Variants in IQGAP1 observed in about 807,000 individuals in gnomAD.
IQGAP1 encodes IQ motif containing GTPase activating protein 1.
In IQGAP1, 66 loss-of-function variants were observed where a neutral mutation model predicts 215.6. The observed-to-expected ratio is 0.31, with a 90% CI of 0.25 to 0.38. The LOEUF is 0.38. Ranked by LOEUF, IQGAP1 falls within the 10% of genes least tolerant of loss-of-function variation. IQGAP1 has a pLI of 1.00. For missense variants in IQGAP1, 1,712 were observed against 1,997.1 expected (o/e 0.86, Z 2.72); for synonymous variants, 772 against 728.7 (o/e 1.06, Z -0.96).
intron 26 of IQGAP1, among the ~76,000 whole-genome samples, chr15:90,480,684 G>A (rs950194103): frequency 1.1e-4 from 17 of 152,042 alleles, no homozygotes; most frequent in African/African-American, 4.1e-4. Flanking sequence ...TGTTGTTGTG[G>A]TTGAGACAGA....
At position 90,467,545 on chromosome 15, in the gene IQGAP1, C is replaced by A. The variant is rs149127134; in HGVS notation, c.2131C>A (p.Pro711Thr). ...ETQEGGWDEPPNFVQNSMQLS... is the reference protein window; with the variant it reads ...ETQEGGWDEPTNFVQNSMQLS... Reference sequence around the variant, plus strand: ...CCAGGAAGGAGGATGGGATGAACCTCCAAATTTTGTGCAAAATTCTATGCA... The same window carrying A: ...CCAGGAAGGAGGATGGGATGAACCTACAAATTTTGTGCAAAATTCTATGCA... Residue 711 changes from proline (P) to threonine (T), a missense_variant, in exon 18 of 38, where the codon CCA (proline) becomes ACA (threonine). Physicochemically the swap from Pro to Thr is conservative, Grantham distance 38 (BLOSUM62 -1). Coordinates refer to ENST00000268182, the MANE Select transcript of IQGAP1 (RefSeq NM_003870.4). The A allele has an allele frequency of 2.5e-6, 4 of 1,611,562 alleles. No individual in the cohort carries two copies. The highest frequency in any genetic ancestry group is 3.4e-6 in the Non-Finnish European group (4 of 1,179,076).
chr15:90,473,952 G>A lies in IQGAP1; in HGVS notation c.2490G>A (p.Gln830=). The A allele has an allele frequency of 6.2e-7, 1 of 1,614,056 alleles. No homozygotes were observed. Among genetic ancestry groups the A allele is most frequent in the Non-Finnish European group, 8.5e-7 (1 of 1,179,990 alleles). ...GAAAGCGCTATCGAGATCGCCTGCA[G>A]TACTTCCGGGACCATGTAAGCACCC... is the stretch of plus-strand genomic sequence containing the variant. ...QARKRYRDRL[Q]YFRDHINDII... The change falls in exon 21 of 38, where the codon CAG becomes CAA. Residue 830 remains glutamine, a synonymous_variant. Coordinates refer to ENST00000268182, the MANE Select transcript of IQGAP1 (RefSeq NM_003870.4).
chr15:90,467,662 G>A (rs1965850285), intron 18 of IQGAP1, 70 bp downstream of exon 18: 9 of 1,469,500 alleles, frequency 6.1e-6, no homozygotes, highest in African/African-American at 1.4e-5. Context: ...TTAATTAAGA[G>A]GAACAGGGCA....
chr15:90,460,047 C>T (rs1308559711), intron 15 of IQGAP1, among the ~76,000 whole-genome samples: 1 of 151,932 alleles, frequency 6.6e-6, no homozygotes, highest in Non-Finnish European at 1.5e-5. Flanking sequence ...TTGTTTTGAG[C>T]TGCAGTACTG....
intron 2 of IQGAP1, among the ~76,000 whole-genome samples, chr15:90,407,431 T>C (rs530307447): frequency 2.0e-5 from 3 of 152,194 alleles, no homozygotes; most frequent in East Asian, 3.9e-4. Context: ...GGGAGGGGAG[T>C]TCATTTTGTC....
intron 34 of IQGAP1, 99 bp from the exon 35 acceptor site, chr15:90,492,446 G>C (rs2151039702): frequency 1.5e-6 from 1 of 680,278 alleles, no homozygotes; most frequent in Non-Finnish European, 2.2e-6. Context: ...AAAAAAGTAG[G>C]TAGTCATATT....
At chr15:90,453,985 C>T (rs1965644333) in intron 13 of IQGAP1, among the ~76,000 whole-genome samples, 1 of 152,204 alleles carries the variant, frequency 6.6e-6, no homozygotes, top group Admixed American at 6.5e-5. Flanking sequence ...ACGCTTTTCC[C>T]TCATCACTAG....
chr15:90,495,985 C>A lies in IQGAP1; in HGVS notation c.4751+1150C>A, dbSNP rs73485169. Among the ~76,000 whole-genome samples, 731 of 150,814 alleles carry A rather than the reference C, an allele frequency of 4.8e-3. 10 individuals carry two copies. The highest frequency in any genetic ancestry group is 0.017 in the African/African-American group (710 of 41,266). Reference sequence around the variant, plus strand: ...TAGGTCATTATCTTCCACTACTGTTCAAGTGCCTACCTCTATTTGCCTTTC... The same window carrying A: ...TAGGTCATTATCTTCCACTACTGTTAAAGTGCCTACCTCTATTTGCCTTTC... On this transcript the variant is annotated intron_variant, in intron 36 of 37. Transcript: ENST00000268182.
intron 15 of IQGAP1, among the ~76,000 whole-genome samples, chr15:90,463,961 G>T (rs1420228127): frequency 6.6e-6 from 1 of 152,184 alleles, no homozygotes; most frequent in Non-Finnish European, 1.5e-5. Flanking sequence ...GGAAAGCCAA[G>T]CCTTCCCTAA....
intron 5 of IQGAP1, among the ~76,000 whole-genome samples, chr15:90,436,251 TTG>T (rs1965369549): frequency 6.6e-6 from 1 of 152,188 alleles, no homozygotes; most frequent in Non-Finnish European, 1.5e-5. Flanking sequence ...ATGATTATGT[TTG>T]TGTGTTTCTC....
intron 37 of IQGAP1, among the ~76,000 whole-genome samples, 161 bp from the exon 38 acceptor site, chr15:90,499,834 G>A (rs543629710): frequency 6.3e-4 from 96 of 152,308 alleles, no homozygotes; most frequent in African/African-American, 2.2e-3. Flanking sequence ...GTGGGTAGTT[G>A]CCTAGCGTGG....
At chr15:90,461,695 T>G (rs1965763871) in intron 15 of IQGAP1, among the ~76,000 whole-genome samples, 1 of 151,664 alleles carries the variant, frequency 6.6e-6, no homozygotes, top group Non-Finnish European at 1.5e-5. Context: ...AGGTGTGGTG[T>G]ACACCCCTGT....
chr15:90,453,872 A>T (rs948213741), intron 13 of IQGAP1, among the ~76,000 whole-genome samples: 1 of 152,176 alleles, frequency 6.6e-6, no homozygotes, highest in African/African-American at 2.4e-5. Context: ...ATTGCCTCAT[A>T]TCAATAGGCA....
intron 2 of IQGAP1, among the ~76,000 whole-genome samples, chr15:90,414,531 A>C (rs1040052929): frequency 6.6e-6 from 1 of 152,056 alleles, no homozygotes; most frequent in African/African-American, 2.4e-5. Flanking sequence ...GCAGCATTGA[A>C]AGCTGGTGAC....
In IQGAP1 at chr15:90,428,156, T is replaced by C. The variant is rs146355444; in HGVS notation, c.313-1433T>C. ...ATGCCATCATGGCTCACTGCAGCCC[T>C]GACCTCCCTAGGCTCAAGCAATCCT... On this transcript the variant is annotated intron_variant, in intron 3 of 37. Coordinates refer to ENST00000268182, the MANE Select transcript of IQGAP1 (RefSeq NM_003870.4). 7.9e-4 allele frequency among the ~76,000 whole-genome samples: 120 copies of C among 152,154 alleles called. No homozygotes were observed. In the Middle Eastern group the frequency reaches 0.01, roughly 13 times the overall value.
chr15:90,486,054 A>G lies in IQGAP1; in HGVS notation c.3946A>G (p.Ile1316Val), dbSNP rs2151036914. ...HTLLLDHQDA[I>V]APEHNDPIHE... Reference sequence around the variant, plus strand: ...GCTCCTGTTGGATCACCAGGATGCCATTGCTCCGGAGCACAATGATCCAAT... The same window carrying G: ...GCTCCTGTTGGATCACCAGGATGCCGTTGCTCCGGAGCACAATGATCCAAT... Residue 1316 changes from isoleucine to valine, a missense_variant, in exon 31 of 38, where the codon ATT becomes GTT. By Grantham distance (29) the Ile-to-Val change is conservative. This residue lies in a region of IQGAP1 where 691 missense variants were observed against 923.0 expected (regional missense o/e 0.75). Coordinates refer to ENST00000268182, the MANE Select transcript of IQGAP1 (RefSeq NM_003870.4). 6.2e-7 allele frequency: 1 copy of G among 1,613,824 alleles called. No individual in the cohort carries two copies. Among genetic ancestry groups the G allele is most frequent in the Non-Finnish European group, 8.5e-7 (1 of 1,179,856 alleles).
At chr15:90,464,436 C>T (rs1965802508) in intron 15 of IQGAP1, among the ~76,000 whole-genome samples, 1 of 152,178 alleles carries the variant, frequency 6.6e-6, no homozygotes, top group Admixed American at 6.5e-5. Context: ...GATTCTATCA[C>T]ACTGAGAGTA....
chr15:90,475,039 G>A (rs550268254), intron 23 of IQGAP1, among the ~76,000 whole-genome samples: 19 of 127,628 alleles, frequency 1.5e-4, no homozygotes, highest in African/African-American at 5.5e-4. Context: ...CCCTCTCGTC[G>A]CTCAGGCTGG....
intron 4 of IQGAP1, among the ~76,000 whole-genome samples, chr15:90,432,632 C>T (rs1049961348): frequency 6.6e-6 from 1 of 152,072 alleles, no homozygotes; most frequent in African/African-American, 2.4e-5. Context: ...GGGTATATTG[C>T]CTTACTGTCT....
Sources: gnomAD v4.1 joint callset for allele counts (sites outside exome capture counted in the v4.1 genomes callset) on GRCh38, gnomAD v4.1.1 for gene constraint, gnomAD v4.1.1 regional missense constraint, MANE v1.5 for transcripts, NCBI Gene and HGNC (gene_info 2026-07-23, HGNC 2026-07-21) for gene names.